MSRA: variants seen among roughly 807,000 people sequenced by gnomAD.
MSRA encodes the protein methionine sulfoxide reductase A, also known as mitochondrial peptide methionine sulfoxide reductase.
MSRA carries 54 observed loss-of-function variants against 31.3 expected under a neutral mutation model. The observed-to-expected ratio is 1.73, with a 90% CI of 1.39 to 2.17. The LOEUF (loss-of-function observed/expected upper bound fraction) is 2.17, where lower values mean the gene tolerates loss of function less well. Among genes scored for constraint, MSRA ranks in the 30% most tolerant of loss-of-function variants. The probability of loss-of-function intolerance (pLI) is 0.00; values close to 1 mark genes in which losing one functional copy is unlikely to be tolerated. For missense variants in MSRA, 507 were observed against 300.9 expected, an observed-to-expected ratio of 1.69 and a Z score of -5.07; for synonymous variants, 169 against 116.5, an observed-to-expected ratio of 1.45 and a Z score of -2.90.
intron 1 of MSRA, among the ~76,000 whole-genome samples, chr8:10,128,017 A>G (rs1801624475): frequency 6.6e-6 from 1 of 151,936 alleles, no homozygotes; most frequent in African/African-American, 2.4e-5. Context: ...GTGCATTTCC[A>G]GAGAGGAGAA....
chr8:10,249,518 A>G (rs1281999579), intron 3 of MSRA, among the ~76,000 whole-genome samples: 1 of 152,064 alleles, frequency 6.6e-6, no homozygotes, highest in African/African-American at 2.4e-5. Flanking sequence ...GTAACCTATA[A>G]TCTTCCCTTC....
intron 1 of MSRA, among the ~76,000 whole-genome samples, chr8:10,178,857 A>C (rs1806293093): frequency 6.6e-6 from 1 of 152,180 alleles, no homozygotes. Context: ...TTTGAGAACT[A>C]CAGGATGGCA....
At chr8:10,177,354 G>A (rs1428346594) in intron 1 of MSRA, among the ~76,000 whole-genome samples, 1 of 152,194 alleles carries the variant, frequency 6.6e-6, no homozygotes, top group Non-Finnish European at 1.5e-5. Context: ...TATGGTGGAG[G>A]ATAAAGAATA....
chr8:10,229,959 C>T (rs1811327526), intron 2 of MSRA, among the ~76,000 whole-genome samples: 1 of 152,202 alleles, frequency 6.6e-6, no homozygotes, highest in South Asian at 2.1e-4. Context: ...GCTGAATTCT[C>T]CATAAACTGG....
At chr8:10,136,340 C>G (rs1802275940) in intron 1 of MSRA, among the ~76,000 whole-genome samples, 1 of 152,170 alleles carries the variant, frequency 6.6e-6, no homozygotes, top group South Asian at 2.1e-4. Context: ...CAAGGCCTAA[C>G]ATTGCCTTTC....
chr8:10,410,114 C>T (rs909214189), intron 5 of MSRA, among the ~76,000 whole-genome samples: 4 of 152,182 alleles, frequency 2.6e-5, no homozygotes, highest in Admixed American at 2.0e-4. Flanking sequence ...GATGATCCTC[C>T]GAGCCTGGGT....
chr8:10,065,090 C>T (rs1008963738), intron 1 of MSRA, among the ~76,000 whole-genome samples: 1 of 152,080 alleles, frequency 6.6e-6, no homozygotes, highest in African/African-American at 2.4e-5. Context: ...AGAGCCACCT[C>T]ATCTACCAGT....
At chr8:10,200,735 A>C (rs1808419845) in intron 1 of MSRA, among the ~76,000 whole-genome samples, 1 of 152,140 alleles carries the variant, frequency 6.6e-6, no homozygotes, top group Non-Finnish European at 1.5e-5. Context: ...GTTAACTTGC[A>C]CCTTAAAACA....
intron 1 of MSRA, among the ~76,000 whole-genome samples, chr8:10,178,620 G>A (rs140326850): frequency 1.3e-5 from 2 of 152,146 alleles, no homozygotes; most frequent in Admixed American, 1.3e-4. Flanking sequence ...GTGACTGAAA[G>A]CATAGATTGA....
intron 1 of MSRA, among the ~76,000 whole-genome samples, chr8:10,055,996 C>G (rs972600668): frequency 6.6e-6 from 1 of 151,868 alleles, no homozygotes; most frequent in African/African-American, 2.4e-5. Context: ...TAGTAAACAT[C>G]TATACTTATA....
chr8:10,092,541 C>A (rs1798909056), intron 1 of MSRA, among the ~76,000 whole-genome samples: 1 of 152,018 alleles, frequency 6.6e-6, no homozygotes, highest in African/African-American at 2.4e-5. Context: ...GCCTTTAGTC[C>A]CAGCTACTTG....
At chr8:10,353,690 C>G (rs776347639) in intron 5 of MSRA, 30 of 455,352 alleles carry the variant, frequency 6.6e-5, no homozygotes, top group African/African-American at 4.8e-4. Flanking sequence ...TATAGGGACT[C>G]TCCTTGTCTG....
intron 1 of MSRA, among the ~76,000 whole-genome samples, chr8:10,199,382 C>T (rs1585150272): frequency 2.0e-5 from 3 of 152,110 alleles, no homozygotes; most frequent in African/African-American, 2.4e-5. Context: ...TGCAGTGGTG[C>T]GATCTTGGCC....
chr8:10,055,885 G>C (rs1009151016), intron 1 of MSRA, among the ~76,000 whole-genome samples: 1 of 152,076 alleles, frequency 6.6e-6, no homozygotes, highest in African/African-American at 2.4e-5. Flanking sequence ...CGAATTAGCA[G>C]TTTCTGTTTC....
chr8:10,174,485 C>T (rs989949551), intron 1 of MSRA, among the ~76,000 whole-genome samples: 1 of 152,112 alleles, frequency 6.6e-6, no homozygotes, highest in Admixed American at 6.5e-5. Flanking sequence ...GGTTCTCTTG[C>T]TGCGTCCACT....
At chr8:10,074,621 A>G (rs1251376288) in intron 1 of MSRA, among the ~76,000 whole-genome samples, 1 of 152,112 alleles carries the variant, frequency 6.6e-6, no homozygotes, top group African/African-American at 2.4e-5. Flanking sequence ...TCTCCCCAGA[A>G]CATGGCTTTA....
chr8:10,342,564 C>G (rs983621875), intron 5 of MSRA, among the ~76,000 whole-genome samples: 2 of 152,240 alleles, frequency 1.3e-5, no homozygotes, highest in African/African-American at 4.8e-5. Flanking sequence ...GGTTACCCAA[C>G]CCTGTTCGTC....
intron 1 of MSRA, chr8:10,095,971 TAA>T: frequency 7.2e-7 from 1 of 1,389,508 alleles, no homozygotes; most frequent in South Asian, 1.8e-5. Context: ...TTCTACAAAA[TAA>T]AGTTTGTTCA....
chr8:10,364,055 C>A (rs565041323), intron 5 of MSRA, among the ~76,000 whole-genome samples: 1 of 152,148 alleles, frequency 6.6e-6, no homozygotes, highest in Non-Finnish European at 1.5e-5. Context: ...CCAGAGAAAA[C>A]GGTCCACACA....
Sources: gnomAD v4.1 joint callset for allele counts (sites outside exome capture counted in the v4.1 genomes callset) on GRCh38, gnomAD v4.1.1 for gene constraint, MANE v1.5 for transcripts, NCBI Gene and HGNC (gene_info 2026-07-23, HGNC 2026-07-21) for gene names.